The following TTLL5 variants were observed in gnomAD, a reference collection of about 807,000 sequenced individuals.
TTLL5 encodes the protein tubulin tyrosine ligase like 5, also known as tubulin polyglutamylase TTLL5.
In TTLL5, 132 loss-of-function variants were observed where a neutral mutation model predicts 168.4. The ratio of observed to expected loss-of-function variants is 0.78; its 90% CI spans 0.68 to 0.91. TTLL5 has a LOEUF of 0.91. Ranked by LOEUF, TTLL5 falls within the 40% of genes least tolerant of loss-of-function variation. TTLL5 has a pLI of 0.00. For missense variants in TTLL5, 1,545 were observed against 1,581.5 expected, an observed-to-expected ratio of 0.98 and a Z score of 0.39; for synonymous variants, 546 against 558.6, an observed-to-expected ratio of 0.98 and a Z score of 0.32.
intron 18 of TTLL5, among the ~76,000 whole-genome samples, chr14:75,763,255 C>CTGTGTG (rs60621403): frequency 2.6e-4 from 15 of 58,514 alleles, no homozygotes; most frequent in South Asian, 1.2e-3. Flanking sequence ...AGCTCTCTCT[C>CTGTGTG]TGTGTGTGTG....
intron 27 of TTLL5, among the ~76,000 whole-genome samples, chr14:75,796,858 G>GTGA (rs1197081491): frequency 6.6e-6 from 1 of 152,152 alleles, no homozygotes; most frequent in Non-Finnish European, 1.5e-5. Context: ...TTTGGGTAAT[G>GTGA]TGATGCCTCT....
chr14:75,855,895 T>G (rs777056073), intron 28 of TTLL5, among the ~76,000 whole-genome samples: 18 of 152,172 alleles, frequency 1.2e-4, no homozygotes, highest in Admixed American at 8.5e-4. Flanking sequence ...CAATATGAAA[T>G]TATTTAATGT....
intron 2 of TTLL5, among the ~76,000 whole-genome samples, chr14:75,668,612 C>T (rs1410812408): frequency 6.6e-6 from 1 of 152,260 alleles, no homozygotes; most frequent in African/African-American, 2.4e-5. Context: ...AGGTCTTTTT[C>T]TCCCCTGTGG....
chr14:75,757,904 A>G (rs1566590745), intron 18 of TTLL5: 3 of 1,576,628 alleles, frequency 1.9e-6, no homozygotes, highest in Non-Finnish European at 2.6e-6. Flanking sequence ...AATGCTTTCC[A>G]TGTGCATAAT....
intron 21 of TTLL5, among the ~76,000 whole-genome samples, chr14:75,773,921 T>TAGAG (rs1427081103): frequency 5.0e-4 from 14 of 28,260 alleles, no homozygotes; most frequent in Admixed American, 1.2e-3. Flanking sequence ...TATATATATA[T>TAGAG]ATATATAGAG....
At chr14:75,712,113 C>T (rs1461837980) in intron 9 of TTLL5, 4 of 152,162 alleles carry the variant, frequency 2.6e-5, no homozygotes, top group Non-Finnish European at 5.9e-5. Context: ...TAGGGCGCTG[C>T]CTAGTCACTG....
chr14:75,765,461 G>GT (rs1890912864), intron 19 of TTLL5, among the ~76,000 whole-genome samples: 4 of 152,104 alleles, frequency 2.6e-5, no homozygotes, highest in Non-Finnish European at 5.9e-5. Flanking sequence ...TAAGCCAAGG[G>GT]TTTTTTGTTT....
chr14:75,739,432 A>G (rs1412493112), intron 15 of TTLL5, among the ~76,000 whole-genome samples: 4 of 152,098 alleles, frequency 2.6e-5, no homozygotes, highest in African/African-American at 4.8e-5. Flanking sequence ...TGTTCTGACC[A>G]GTTAGACTGT....
chr14:75,792,650 A>T (rs1029976122), intron 26 of TTLL5, among the ~76,000 whole-genome samples: 1 of 152,220 alleles, frequency 6.6e-6, no homozygotes, highest in Admixed American at 6.5e-5. Flanking sequence ...ACTACATATA[A>T]TGAAAATTCT....
chr14:75,773,956 AAAGAGAGAGAG>A (rs1566598163), intron 21 of TTLL5, among the ~76,000 whole-genome samples: 10 of 48,848 alleles, frequency 2.0e-4, no homozygotes, highest in East Asian at 1.6e-3. Context: ...AGAGAGAGAG[AAAGAGAGAGAG>A]AGAGAGAGAG....
At chr14:75,677,156 TA>T (rs375658644) in intron 3 of TTLL5, among the ~76,000 whole-genome samples, 384 of 152,228 alleles carry the variant, frequency 2.5e-3, no homozygotes, top group African/African-American at 8.8e-3. Flanking sequence ...TTTTACTATA[TA>T]AAAATAATTT....
chr14:75,766,155 A>T lies in TTLL5; in HGVS notation c.1802A>T (p.Glu601Val), dbSNP rs1458828179. ...VALDNEDEEQ[E>V]ASQEESAGFL... The stretch of plus-strand genomic sequence containing the variant: ...TTAGATAATGAAGATGAAGAACAGG[A>T]GGCTTCCCAGGAGGAGTCTGCAGGA... The change falls in exon 20 of 32, where the codon GAG (glutamate) becomes GTG (valine). Residue 601 changes from glutamate to valine, a missense_variant. Coordinates refer to ENST00000298832, the MANE Select transcript of TTLL5 (RefSeq NM_015072.5). 1 of 1,613,976 alleles carries T rather than the reference A, an allele frequency of 6.2e-7. No individual in the cohort carries two copies. Among genetic ancestry groups the T allele is most frequent in the African/African-American group, 1.3e-5 (1 of 74,934 alleles).
chr14:75,735,144 G>A (rs1888801707), intron 14 of TTLL5, 51 bp from the exon 15 acceptor site: 1 of 1,558,570 alleles, frequency 6.4e-7, no homozygotes, highest in African/African-American at 1.4e-5. Context: ...AGCCAGACCT[G>A]CTAATTTCTT....
Position 75,735,140 on chromosome 14 carries a change from A to C in TTLL5, c.1187-55A>C, listed in dbSNP as rs545823275. The stretch of plus-strand genomic sequence containing the variant: ...GTATCTAAAGAAAAGGTGCAGCCAG[A>C]CCTGCTAATTTCTTAGAAAATGGCA... On this transcript the variant is annotated intron_variant, in intron 14 of 31. Coordinates refer to ENST00000298832, the MANE Select transcript of TTLL5 (RefSeq NM_015072.5). 6.7e-5 allele frequency: 103 copies of C among 1,535,314 alleles called. No individual in the cohort carries two copies. The African/African-American group carries it at 1.3e-3, about 19-fold the overall frequency.
At position 75,769,979 on chromosome 14, in the gene TTLL5, G is replaced by A. The variant is rs1362557947; in HGVS notation, c.2016-1755G>A. On this transcript the variant is annotated intron_variant, in intron 20 of 31. Coordinates refer to ENST00000298832, the MANE Select transcript of TTLL5 (RefSeq NM_015072.5). ...GGATCACCTGAGGTCAGGAGTTTGAGACCAACCTGATCAACATGGTGAAAC... is the reference window on the plus strand; with the variant it reads ...GGATCACCTGAGGTCAGGAGTTTGAAACCAACCTGATCAACATGGTGAAAC... 1.3e-4 allele frequency among the ~76,000 whole-genome samples: 20 copies of A among 151,900 alleles called. 1 individual carries two copies. Among genetic ancestry groups the A allele is most frequent in the Admixed American group, 1.3e-3 (20 of 15,252 alleles).
At chr14:75,802,002 A>T (rs1378471704) in intron 27 of TTLL5, among the ~76,000 whole-genome samples, 1 of 152,056 alleles carries the variant, frequency 6.6e-6, no homozygotes, top group Admixed American at 6.6e-5. Context: ...ATCACTTTAA[A>T]TGTTTTTTGT....
chr14:75,888,425 T>C (rs1011196144), intron 30 of TTLL5, among the ~76,000 whole-genome samples: 4 of 152,222 alleles, frequency 2.6e-5, no homozygotes, highest in African/African-American at 9.6e-5. Flanking sequence ...ATATTTCCCA[T>C]CCCTCACTTC....
chr14:75,952,460 T>G (rs1392327597), intron 31 of TTLL5, among the ~76,000 whole-genome samples: 1 of 152,254 alleles, frequency 6.6e-6, no homozygotes, highest in African/African-American at 2.4e-5. Flanking sequence ...TGACAGTTCC[T>G]TAAACAGTTT....
intron 29 of TTLL5, among the ~76,000 whole-genome samples, chr14:75,874,170 C>T (rs2031273071): frequency 6.6e-6 from 1 of 152,130 alleles, no homozygotes; most frequent in South Asian, 2.1e-4. Context: ...GGGCTCACTG[C>T]AACCTCCACC....
Sources: allele counts gnomAD v4.1 joint callset (sites outside exome capture counted in the v4.1 genomes callset), GRCh38; gene constraint gnomAD v4.1.1; transcripts MANE v1.5; gene names NCBI Gene and HGNC (gene_info 2026-07-23, HGNC 2026-07-21).